Variants in SRPK3 observed in about 807,000 individuals in gnomAD.
SRPK3 encodes SRSF protein kinase 3.
Under a neutral mutation model 45.3 loss-of-function variants are expected in SRPK3, and 26 were observed. The ratio of observed to expected loss-of-function variants is 0.57; its 90% CI spans 0.42 to 0.80. The LOEUF (loss-of-function observed/expected upper bound fraction) is 0.80. Ranked by LOEUF, SRPK3 falls within the 30% of genes least tolerant of loss-of-function variation. The pLI, the probability that SRPK3 is intolerant of heterozygous loss-of-function variation, is 0.00. For synonymous variants in SRPK3, 254 were observed against 226.6 expected, an observed-to-expected ratio of 1.12 and a Z score of -1.09; for missense variants, 536 against 514.5, an observed-to-expected ratio of 1.04 and a Z score of -0.40.
At position 153,785,379 on chromosome X, in the gene SRPK3, C is replaced by T. The variant is rs781913353; in HGVS notation, c.1563C>T (p.Tyr521=). The part of the protein sequence containing the change: ...HIHNLKHWGL[Y]EVLMEKYEWP... ...ACAATCTCAAGCACTGGGGCCTGTA[C>T]GAGGTACTCATGGAAAAGTACGAGT... is the stretch of plus-strand genomic sequence containing the variant. Residue 521 remains tyrosine (Y), a synonymous_variant, in exon 15 of 15, where the codon TAC becomes TAT. Coordinates refer to ENST00000370101, the MANE Select transcript of SRPK3 (RefSeq NM_014370.4). 3.2e-5 allele frequency: 39 copies of T among 1,209,507 alleles called. No homozygotes were observed. The highest frequency in any genetic ancestry group is 4.2e-5 in the Non-Finnish European group (38 of 894,639).
chrX:153,784,326 C>A lies in SRPK3; in HGVS notation c.1180C>A (p.Pro394Thr), dbSNP rs1557068180. 1 of 1,211,421 alleles carries A rather than the reference C, an allele frequency of 8.3e-7. No homozygotes were observed. ...PFGASNLLVN[P>T]LEPQNADKIK... is the part of the protein sequence containing the mutation. Reference sequence around the variant, plus strand: ...CGGTGCCTCGAACCTCCTGGTGAACCCCCTGGAGCCCCAAAATGCAGATAA... The same window carrying A: ...CGGTGCCTCGAACCTCCTGGTGAACACCCTGGAGCCCCAAAATGCAGATAA... The change falls in exon 11 of 15, where the codon CCC (proline) becomes ACC (threonine). Residue 394 changes from proline (P) to threonine (T), a missense_variant. By Grantham distance (38) the Pro-to-Thr change is conservative. Transcript: ENST00000370101.
intron 4 of SRPK3, 41 bp from the exon 5 acceptor site, chrX:153,782,080 G>C (rs1413166395): frequency 3.9e-5 from 44 of 1,139,396 alleles, no homozygotes; most frequent in Non-Finnish European, 4.9e-5. Flanking sequence ...GGGCTTCAGG[G>C]CAGGGTGGAA....
chrX:153,782,985 G>A lies in SRPK3; in HGVS notation c.615G>A (p.Lys205=), dbSNP rs146121291. ...ACGGCCTGGACTACCTCCACACCAA[G>A]TGCAAGATCATCCACACGGACATCA... ...VLHGLDYLHT[K]CKIIHTDIKP... is the part of the protein sequence containing the mutation. Residue 205 remains lysine (K), a synonymous_variant, in exon 7 of 15, where the codon AAG becomes AAA. Coordinates refer to ENST00000370101, the MANE Select transcript of SRPK3 (RefSeq NM_014370.4). The A allele has an allele frequency of 1.9e-3, 2,272 of 1,183,169 alleles. 29 individuals are homozygous for A. In the African/African-American group the frequency reaches 0.034, roughly 18 times the overall value.
chrX:153,782,618 T>C (rs2092058748), intron 5 of SRPK3, among the ~76,000 whole-genome samples, 154 bp from the exon 6 acceptor site: 1 of 113,303 alleles, frequency 8.8e-6, no homozygotes, highest in Non-Finnish European at 1.9e-5. Flanking sequence ...ACACTATCGA[T>C]GATGACACCA....
chrX:153,784,472 T>C (rs2092072949), intron 11 of SRPK3, 78 bp downstream of exon 11: 2 of 1,060,058 alleles, frequency 1.9e-6, no homozygotes, highest in Non-Finnish European at 2.6e-6. Context: ...TGGGGAGCCC[T>C]ACCCCAGTCT....
chrX:153,784,649 C>T, intron 11 of SRPK3, 101 bp from the exon 12 acceptor site: 2 of 1,022,213 alleles, frequency 2.0e-6, no homozygotes, highest in Non-Finnish European at 2.7e-6. Context: ...ACAGCAAACC[C>T]CACTGAGCTC....
intron 11 of SRPK3, 122 bp downstream of exon 11, chrX:153,784,516 T>A: frequency 1.2e-6 from 1 of 847,245 alleles, no homozygotes; most frequent in Non-Finnish European, 1.7e-6. Context: ...GGGTGGGCAC[T>A]GGTCCTGCCC....
At position 153,783,239 on chromosome X, in the gene SRPK3, C is replaced by A; in HGVS notation, c.762C>A (p.Pro254=). 4 of 1,192,642 alleles carry A rather than the reference C, an allele frequency of 3.4e-6. No individual in the cohort carries two copies. The South Asian group carries it at 7.3e-5, about 22-fold the overall frequency. Residue 254 remains proline (P), a synonymous_variant, in exon 8 of 15, where the codon CCC becomes CCA. Coordinates refer to ENST00000370101, the MANE Select transcript of SRPK3 (RefSeq NM_014370.4). ...CTGCACTCCCAGTCAGCACTGCCCC[C>A]CAGGAGGTCTTGGTAAGTTGGGGGG... ...PPSRSIVSTA[P]QEVLQTGKLS... is the part of the protein sequence containing the mutation.
rs782558777 is a variant in SRPK3 at position 153,785,183 on chromosome X, C to T, written c.1519+10C>T. ...TTCTTCAACCGGAGAGGTGAGGGCCCGGGCAGCCTCAGGCCATGTGGCTGC... is the reference window on the plus strand; with the variant it reads ...TTCTTCAACCGGAGAGGTGAGGGCCTGGGCAGCCTCAGGCCATGTGGCTGC... On this transcript the variant is annotated intron_variant, in intron 14 of 14. Transcript: ENST00000370101. 117 of 1,103,578 alleles carry T rather than the reference C, an allele frequency of 1.1e-4. No individual in the cohort carries two copies. The highest frequency in any genetic ancestry group is 1.3e-4 in the Non-Finnish European group (109 of 819,239). The allele number at this position is 1,103,578 out of a possible 1,213,427, so 90.9% of individuals were successfully genotyped here.
Position 153,783,132 on chromosome X carries a change from A to T in SRPK3, c.748+14A>T. On this transcript the variant is annotated intron_variant, in intron 7 of 14. Transcript: ENST00000370101. The stretch of plus-strand genomic sequence containing the variant: ...CCCGCTCCATAGGTACCAAGGGCCC[A>T]CATGGGGCTGGGTCGGGGCCTCTGG... The T allele has an allele frequency of 8.5e-7, 1 of 1,176,823 alleles. No individual in the cohort carries two copies. The highest frequency in any genetic ancestry group is 1.1e-6 in the Non-Finnish European group (1 of 879,305).
At chrX:153,782,669 C>T in intron 5 of SRPK3, 103 bp from the exon 6 acceptor site, 1 of 814,287 alleles carries the variant, frequency 1.2e-6, no homozygotes, top group Middle Eastern at 4.3e-4. Flanking sequence ...GGCCCTGCCT[C>T]CCCACCTCCA....
In SRPK3 at chrX:153,783,035, T is replaced by G. The variant is rs782534269; in HGVS notation, c.665T>G (p.Val222Gly). The G allele has an allele frequency of 3.4e-6, 4 of 1,182,153 alleles. No homozygotes were observed. Among genetic ancestry groups the G allele is most frequent in the Non-Finnish European group, 4.5e-6 (4 of 880,512 alleles). The change falls in exon 7 of 15, where the codon GTG becomes GGG. Residue 222 changes from valine (V) to glycine (G), a missense_variant. Val to Gly is a moderately radical substitution (Grantham distance 109). Coordinates refer to ENST00000370101, the MANE Select transcript of SRPK3 (RefSeq NM_014370.4). ...DIKPENILLC[V>G]GDAYIRRLAA... ...AAGCCCGAGAACATCTTGCTGTGTG[T>G]GGGGGACGCTTACATCAGGCGCCTG...
At chrX:153,782,726 T>C in intron 5 of SRPK3, 46 bp from the exon 6 acceptor site, 1 of 1,139,933 alleles carries the variant, frequency 8.8e-7, no homozygotes, top group Admixed American at 2.4e-5. Flanking sequence ...GGGTGGGGCC[T>C]GTGCCGCAGC....
chrX:153,782,309 T>A, intron 5 of SRPK3, 101 bp downstream of exon 5: 1 of 709,674 alleles, frequency 1.4e-6, no homozygotes, highest in African/African-American at 2.1e-5. Flanking sequence ...ACAATGGGCT[T>A]GCATCCCTCC....
Position 153,783,737 on chromosome X carries a change from C to T in SRPK3, c.775-15C>T. ...GCGGGCGACAGGAACCCTGGGGTGA[C>T]CCTGGCTCTGACAGCAGACCGGTAA... On this transcript the variant is annotated splice_polypyrimidine_tract_variant and intron_variant, in intron 8 of 14. Transcript: ENST00000370101. 8.3e-7 allele frequency: 1 copy of T among 1,210,155 alleles called. No homozygotes were observed. The highest frequency in any genetic ancestry group is 1.1e-6 in the Non-Finnish European group (1 of 895,236).
Position 153,781,311 on chromosome X carries a change from A to G in SRPK3, c.155A>G (p.Asp52Gly). 2 of 1,205,666 alleles carry G rather than the reference A, an allele frequency of 1.7e-6. No individual in the cohort carries two copies. Among genetic ancestry groups the G allele is most frequent in the Non-Finnish European group, 2.2e-6 (2 of 892,605 alleles). ...QMLQGLLGSD[D>G]EEQEDPKDYC... ...CTGCAGGGCCTTCTGGGCTCCGACGACGAGGAACAGGAAGACCCCAAAGAC... is the reference window on the plus strand; with the variant it reads ...CTGCAGGGCCTTCTGGGCTCCGACGGCGAGGAACAGGAAGACCCCAAAGAC... Residue 52 changes from aspartate to glycine, a missense_variant, in exon 2 of 15, where the codon GAC (aspartate) becomes GGC (glycine). Transcript: ENST00000370101.
At position 153,781,555 on chromosome X, in the gene SRPK3, G is replaced by A. The variant is rs782293883; in HGVS notation, c.241G>A (p.Val81Met). ...CGACGTGTTCAATGGGCGGTACCACGTGGTGCGCAAACTGGGCTGGGGCCA... is the reference window on the plus strand; with the variant it reads ...CGACGTGTTCAATGGGCGGTACCACATGGTGCGCAAACTGGGCTGGGGCCA... Reference protein sequence around the residue: ...IGDVFNGRYHVVRKLGWGHFS... With the variant: ...IGDVFNGRYHMVRKLGWGHFS... Residue 81 changes from valine to methionine, a missense_variant, in exon 3 of 15, where the codon GTG (valine) becomes ATG (methionine). Coordinates refer to ENST00000370101, the MANE Select transcript of SRPK3 (RefSeq NM_014370.4). 4.1e-6 allele frequency: 5 copies of A among 1,211,062 alleles called. No individual in the cohort carries two copies. Among genetic ancestry groups the A allele is most frequent in the South Asian group, 1.8e-5 (1 of 57,007 alleles).
rs201446250 is a variant in SRPK3, at chrX:153,784,206, G to A, written c.1140G>A (p.Ser380=). Residue 380 remains serine, a synonymous_variant, in exon 10 of 15, where the codon TCG becomes TCA. Transcript: ENST00000370101. ...SNQRETGGLL[S]PSTPFGASNL... is the part of the protein sequence containing the mutation. Reference sequence around the variant, plus strand: ...AGCGAGAGACCGGGGGCCTCCTGTCGCCTAGCAGTAAGTTGGGTGGCAAGT... The same window carrying A: ...AGCGAGAGACCGGGGGCCTCCTGTCACCTAGCAGTAAGTTGGGTGGCAAGT... The A allele has an allele frequency of 3.3e-5, 40 of 1,209,421 alleles. No homozygotes were observed. The East Asian group carries it at 4.4e-4, about 13-fold the overall frequency.
chrX:153,781,192 C>T (rs1307643407), intron 1 of SRPK3, 24 bp from the exon 2 acceptor site: 7 of 1,199,823 alleles, frequency 5.8e-6, no homozygotes, highest in African/African-American at 1.8e-5. Flanking sequence ...CTCTCATGCC[C>T]ACTGCCACTC....
Sources: gnomAD v4.1 joint callset for allele counts (sites outside exome capture counted in the v4.1 genomes callset) on GRCh38, gnomAD v4.1.1 for gene constraint, MANE v1.5 for transcripts, NCBI Gene and HGNC (gene_info 2026-07-23, HGNC 2026-07-21) for gene names.